RAD18: variants seen among roughly 807,000 people sequenced by gnomAD.
RAD18 encodes E3 ubiquitin-protein ligase RAD18.
Under a neutral mutation model 60.4 loss-of-function variants are expected in RAD18, and 47 were observed. The observed-to-expected ratio is 0.78, with a 90% CI of 0.62 to 0.99. RAD18 has a LOEUF of 0.99. RAD18 is among the 50% of genes least tolerant of loss of function. The probability of loss-of-function intolerance (pLI) is 0.00; values close to 1 mark genes in which losing one functional copy is unlikely to be tolerated. For missense variants in RAD18, 640 were observed against 593.3 expected, an observed-to-expected ratio of 1.08 and a Z score of -0.82; for synonymous variants, 225 against 195.5, an observed-to-expected ratio of 1.15 and a Z score of -1.26.
chr3:8,904,656 G>A (rs958489593), intron 9 of RAD18, among the ~76,000 whole-genome samples: 1 of 152,118 alleles, frequency 6.6e-6, no homozygotes, highest in African/African-American at 2.4e-5. Context: ...ACGCACTTGA[G>A]GATAATTATC....
At chr3:8,936,340 C>T (rs978399477) in intron 6 of RAD18, among the ~76,000 whole-genome samples, 5 of 152,160 alleles carry the variant, frequency 3.3e-5, no homozygotes. Context: ...ACTTAGAAGA[C>T]ATATATGTAA....
chr3:8,942,304 G>C (rs756110899), intron 4 of RAD18, among the ~76,000 whole-genome samples: 1 of 152,112 alleles, frequency 6.6e-6, no homozygotes, highest in Non-Finnish European at 1.5e-5. Context: ...CTCCCACTCT[G>C]TCTCTCTTGC....
chr3:8,881,882 TG>T (rs1430675870), intron 12 of RAD18, among the ~76,000 whole-genome samples: 1 of 152,214 alleles, frequency 6.6e-6, no homozygotes, highest in Non-Finnish European at 1.5e-5. Flanking sequence ...CCTCCAAAGA[TG>T]GGCCACACTT....
At chr3:8,952,603 T>C (rs1940944338) in intron 2 of RAD18, among the ~76,000 whole-genome samples, 1 of 152,230 alleles carries the variant, frequency 6.6e-6, no homozygotes, top group Admixed American at 6.5e-5. Flanking sequence ...TATATGAAAC[T>C]GACATTTTTG....
intron 11 of RAD18, among the ~76,000 whole-genome samples, chr3:8,894,628 GATCTCAAGGAGTCATACAC>G (rs1939754045): frequency 6.6e-6 from 1 of 152,126 alleles, no homozygotes; most frequent in Non-Finnish European, 1.5e-5. Flanking sequence ...TAGGTACATG[GATCTCAAGGAGTCATACAC>G]ATTTCAAGGA....
At chr3:8,947,811 G>A (rs975329005) in intron 3 of RAD18, among the ~76,000 whole-genome samples, 1 of 152,142 alleles carries the variant, frequency 6.6e-6, no homozygotes, top group Non-Finnish European at 1.5e-5. Context: ...GTAACATATC[G>A]TAAAGATCTT....
chr3:8,931,227 A>G (rs1940546923), intron 7 of RAD18, among the ~76,000 whole-genome samples: 1 of 152,208 alleles, frequency 6.6e-6, no homozygotes. Context: ...ATAGTAATAA[A>G]CAATGAGAAA....
chr3:8,915,032 C>T (rs1940174493), intron 7 of RAD18, among the ~76,000 whole-genome samples: 1 of 151,408 alleles, frequency 6.6e-6, no homozygotes, highest in Non-Finnish European at 1.5e-5. Context: ...GCCTATAGTC[C>T]CAGCTACCTG....
intron 10 of RAD18, among the ~76,000 whole-genome samples, chr3:8,901,813 A>G: frequency 6.6e-6 from 1 of 152,208 alleles, no homozygotes; most frequent in Non-Finnish European, 1.5e-5. Context: ...TGTGTTATGT[A>G]TATTTTACCA....
intron 4 of RAD18, among the ~76,000 whole-genome samples, chr3:8,946,502 T>C (rs1463117353): frequency 6.6e-6 from 1 of 152,262 alleles, no homozygotes; most frequent in Non-Finnish European, 1.5e-5. Context: ...ATAAAAATTC[T>C]TGTTTGACTT....
chr3:8,903,187 C>G (rs111324634), intron 9 of RAD18, among the ~76,000 whole-genome samples: 3,144 of 152,206 alleles, frequency 0.021, 88 homozygotes, highest in African/African-American at 0.068. Flanking sequence ...TCCTCAAATA[C>G]AAATATGGAA....
chr3:8,881,358 T>G lies in RAD18; in HGVS notation c.1487A>C (p.Ter496SerextTer11), dbSNP rs1420115372. Residue 496 changes from the stop codon to serine (S), a stop_lost, in exon 13 of 13, where the codon TAA (stop) becomes TCA (serine). Transcript: ENST00000264926. ...IEPRNKRNRN[*>S] The stretch of plus-strand genomic sequence containing the variant: ...TTGAAAAGTCAGCAAAAGCCCACAT[T>G]AATTCCTATTACGCTTGTTTCTTGG... 6.3e-7 allele frequency: 1 copy of G among 1,598,192 alleles called. No individual in the cohort carries two copies. Among genetic ancestry groups the G allele is most frequent in the Non-Finnish European group, 8.6e-7 (1 of 1,165,988 alleles).
Position 8,902,379 on chromosome 3 carries a change from C to T in RAD18, c.1168+1G>A, listed in dbSNP as rs754901966. On this transcript the variant is annotated splice_donor_variant, in intron 10 of 12. Transcript: ENST00000264926. LOFTEE classifies it high-confidence loss of function. Reference sequence around the variant, plus strand: ...GTCTGTTTTTAATTATAGTCTCTTACCCATGCATACAGAAGATAGCTTTTC... The same window carrying T: ...GTCTGTTTTTAATTATAGTCTCTTATCCATGCATACAGAAGATAGCTTTTC... The T allele has an allele frequency of 1.9e-6, 3 of 1,577,146 alleles. No individual in the cohort carries two copies. Among genetic ancestry groups the T allele is most frequent in the Admixed American group, 3.7e-5 (2 of 53,408 alleles).
At chr3:8,900,589 T>C (rs1047166556) in intron 10 of RAD18, among the ~76,000 whole-genome samples, 1 of 152,104 alleles carries the variant, frequency 6.6e-6, no homozygotes, top group Non-Finnish European at 1.5e-5. Flanking sequence ...GACTCCAAAA[T>C]AGAGCCCCGA....
At chr3:8,889,695 T>C (rs549405815) in intron 12 of RAD18, among the ~76,000 whole-genome samples, 1 of 152,270 alleles carries the variant, frequency 6.6e-6, no homozygotes, top group South Asian at 2.1e-4. Context: ...AGAGAGAATA[T>C]GAAGTAAATA....
chr3:8,954,633 T>C (rs768825301), intron 2 of RAD18, among the ~76,000 whole-genome samples: 8 of 152,126 alleles, frequency 5.3e-5, no homozygotes, highest in South Asian at 2.1e-4. Context: ...CCTTTGTACC[T>C]GCAGAACTAC....
rs368107670 is a variant in RAD18, at chr3:8,939,581, C to T, written c.677G>A (p.Arg226His). Residue 226 changes from arginine to histidine, a missense_variant, in exon 6 of 13, where the codon CGC becomes CAC. Coordinates refer to ENST00000264926, the MANE Select transcript of RAD18 (RefSeq NM_020165.4). ...TCTGAGGCTTTCCTTCTTCTCTTCG[C>T]GTGATAAACAGCTGTCTAAATGCTT... is the stretch of plus-strand genomic sequence containing the variant. ...INKHLDSCLSREEKKESLRSS... is the reference protein window; with the variant it reads ...INKHLDSCLSHEEKKESLRSS... 1.4e-5 allele frequency: 23 copies of T among 1,612,726 alleles called. No homozygotes were observed. Among genetic ancestry groups the T allele is most frequent in the Non-Finnish European group, 1.8e-5 (21 of 1,179,144 alleles).
intron 9 of RAD18, among the ~76,000 whole-genome samples, chr3:8,910,561 T>G (rs993512045): frequency 6.8e-6 from 1 of 148,008 alleles, no homozygotes; most frequent in Non-Finnish European, 1.5e-5. Context: ...TGAGCCAAGA[T>G]AGCGCCACTG....
At chr3:8,928,719 A>T (rs1192065174) in intron 7 of RAD18, among the ~76,000 whole-genome samples, 1 of 152,222 alleles carries the variant, frequency 6.6e-6, no homozygotes, top group Admixed American at 6.5e-5. Context: ...TAAACAGAAT[A>T]TCAGCAAGGA....
Sources: allele counts gnomAD v4.1 joint callset (sites outside exome capture counted in the v4.1 genomes callset), GRCh38; gene constraint gnomAD v4.1.1; transcripts MANE v1.5; gene names NCBI Gene and HGNC (gene_info 2026-07-23, HGNC 2026-07-21).